FBXL13: variants seen among roughly 807,000 people sequenced by gnomAD.
FBXL13 encodes F-box and leucine-rich repeat protein 13.
FBXL13 carries 67 observed loss-of-function variants against 83.6 expected under a neutral mutation model. The observed-to-expected ratio is 0.80, with a 90% CI of 0.66 to 0.98. The LOEUF (loss-of-function observed/expected upper bound fraction) is 0.98. Ranked by LOEUF, FBXL13 falls within the 50% of genes least tolerant of loss-of-function variation. The pLI is 0.00. For missense variants in FBXL13, 822 were observed against 866.5 expected (o/e 0.95, Z 0.64); for synonymous variants, 272 against 299.5 (o/e 0.91, Z 0.95).
At chr7:103,013,804 T>C (rs1157026712) in intron 6 of FBXL13, among the ~76,000 whole-genome samples, 1 of 150,050 alleles carries the variant, frequency 6.7e-6, no homozygotes, top group African/African-American at 2.5e-5. Flanking sequence ...CTAAAGGAAA[T>C]TAAGAGGCAA....
At chr7:102,854,805 C>T (rs1429662510) in exon 17 of FBXL13, 1 of 1,590,084 alleles carries the variant, frequency 6.3e-7, no homozygotes, top group African/African-American at 1.3e-5. Context: ...GATTCTATAA[C>T]ATTCAGATAC....
At chr7:102,815,727 A>C (rs1483687032) in intron 19 of FBXL13, among the ~76,000 whole-genome samples, 1 of 152,162 alleles carries the variant, frequency 6.6e-6, no homozygotes, top group Non-Finnish European at 1.5e-5. Context: ...ATGTCAGAAG[A>C]GCAACAGTTT....
At chr7:102,988,553 G>T (rs892194117) in intron 6 of FBXL13, 5 of 152,294 alleles carry the variant, frequency 3.3e-5, no homozygotes, top group African/African-American at 1.2e-4. Context: ...CAGAAATGTA[G>T]AACGGTATAC....
intron 16 of FBXL13, among the ~76,000 whole-genome samples, chr7:102,862,282 T>C (rs553673618): frequency 6.7e-6 from 1 of 150,370 alleles, no homozygotes; most frequent in East Asian, 2.0e-4. Flanking sequence ...TGAGCTGAGA[T>C]TGCACTACTG....
At chr7:102,829,068 C>T (rs1800212316) in intron 18 of FBXL13, among the ~76,000 whole-genome samples, 1 of 152,200 alleles carries the variant, frequency 6.6e-6, no homozygotes, top group Non-Finnish European at 1.5e-5. Flanking sequence ...GGACATCTTT[C>T]CGTGCTTCAG....
At chr7:102,836,919 A>G (rs1170918154) in intron 17 of FBXL13, among the ~76,000 whole-genome samples, 1 of 152,254 alleles carries the variant, frequency 6.6e-6, no homozygotes, top group Non-Finnish European at 1.5e-5. Context: ...TATTTGCCTC[A>G]TTAGGTCCCA....
chr7:103,034,114 C>A (rs1174399356), intron 2 of FBXL13, among the ~76,000 whole-genome samples: 4 of 152,222 alleles, frequency 2.6e-5, no homozygotes, highest in Non-Finnish European at 4.4e-5. Context: ...GGTGTATTTA[C>A]AATCCCTTAG....
Position 103,024,135 on chromosome 7 carries a change from A to AAGAGAGAGAGAGAG in FBXL13, c.495+914_495+927dup, listed in dbSNP as rs59206823. ...CCCTCAACCTAAAATAAAAGTTAAA[A>AAGAGAGAGAGAGAG]AGAGAGAGAGAGAGAGAGAGAGAGA... On this transcript the variant is annotated intron_variant, in intron 6 of 19. Coordinates refer to ENST00000313221, the Ensembl canonical transcript of FBXL13. 7.9e-3 allele frequency among the ~76,000 whole-genome samples: 758 copies of AAGAGAGAGAGAGAG among 96,546 alleles called. 33 individuals carry two copies. Among genetic ancestry groups the AAGAGAGAGAGAGAG allele is most frequent in the Non-Finnish European group, 0.011 (493 of 44,518 alleles). The allele number at this position is 96,546 out of a possible 152,430, so 63.3% of individuals were successfully genotyped here.
Position 102,885,742 on chromosome 7 carries a change from T to C in FBXL13, c.1009-1430A>G, listed in dbSNP as rs571835396. 3.9e-5 allele frequency among the ~76,000 whole-genome samples: 6 copies of C among 152,356 alleles called. No homozygotes were observed. In the South Asian group the frequency reaches 1.0e-3, roughly 26 times the overall value. On this transcript the variant is annotated intron_variant, in intron 11 of 19. Transcript: ENST00000313221. ...CTCCTATTTTTTCTTCAAAAGGGTT[T>C]ATTATTTTGGCTCTTATATTTAGGT...
At chr7:102,862,484 AT>A (rs1362706730) in intron 16 of FBXL13, among the ~76,000 whole-genome samples, 2 of 152,184 alleles carry the variant, frequency 1.3e-5, no homozygotes, top group African/African-American at 4.8e-5. Context: ...GTTATTGAAT[AT>A]TTTTGTGTAT....
At chr7:102,941,560 GATAA>G (rs1374528860) in intron 8 of FBXL13, among the ~76,000 whole-genome samples, 1 of 152,088 alleles carries the variant, frequency 6.6e-6, no homozygotes, top group African/African-American at 2.4e-5. Flanking sequence ...CCCCTGTCTT[GATAA>G]ATAGACTCTG....
intron 2 of FBXL13, among the ~76,000 whole-genome samples, chr7:103,032,960 A>G (rs1794656785): frequency 6.6e-6 from 1 of 152,096 alleles, no homozygotes; most frequent in Non-Finnish European, 1.5e-5. Flanking sequence ...GCTCAGATAG[A>G]GGCTGCAGTG....
chr7:102,996,838 G>C (rs1789845188), intron 6 of FBXL13, among the ~76,000 whole-genome samples: 1 of 152,178 alleles, frequency 6.6e-6, no homozygotes, highest in African/African-American at 2.4e-5. Flanking sequence ...TAACAAGATA[G>C]AAAGACTTCA....
At chr7:103,005,529 A>C (rs1396146955) in intron 6 of FBXL13, among the ~76,000 whole-genome samples, 1 of 152,214 alleles carries the variant, frequency 6.6e-6, no homozygotes, top group Non-Finnish European at 1.5e-5. Context: ...CATATCTCAC[A>C]GTTCTGGAAG....
At chr7:102,842,201 G>A (rs552910374) in intron 17 of FBXL13, among the ~76,000 whole-genome samples, 33 of 152,304 alleles carry the variant, frequency 2.2e-4, no homozygotes, top group Non-Finnish European at 3.8e-4. Context: ...AAAGGCCAAT[G>A]ATTAAAGTCA....
intron 17 of FBXL13, among the ~76,000 whole-genome samples, chr7:102,849,211 ATCT>A (rs1804734768): frequency 6.6e-6 from 1 of 152,238 alleles, no homozygotes; most frequent in South Asian, 2.1e-4. Context: ...TGCATCAAAC[ATCT>A]TCTCCAAAAT....
intron 2 of FBXL13, among the ~76,000 whole-genome samples, chr7:103,045,542 C>T (rs932882347): frequency 1.3e-5 from 2 of 152,116 alleles, no homozygotes; most frequent in African/African-American, 4.8e-5. Flanking sequence ...AAGGTAAAAA[C>T]AAGTATGAGT....
chr7:102,828,948 T>C (rs1443979289), intron 18 of FBXL13, among the ~76,000 whole-genome samples: 3 of 152,194 alleles, frequency 2.0e-5, no homozygotes, highest in African/African-American at 7.2e-5. Flanking sequence ...TTGTAGATTG[T>C]CATTCTCAAG....
chr7:103,066,295 T>C (rs1490225103), intron 1 of FBXL13, among the ~76,000 whole-genome samples: 1 of 152,222 alleles, frequency 6.6e-6, no homozygotes, highest in East Asian at 1.9e-4. Flanking sequence ...TAGGTCACCT[T>C]AAACATCTTT....
Sources: allele counts gnomAD v4.1 joint callset (sites outside exome capture counted in the v4.1 genomes callset), GRCh38; gene constraint gnomAD v4.1.1; transcripts MANE v1.5; gene names NCBI Gene and HGNC (gene_info 2026-07-23, HGNC 2026-07-21).